MRPS18C: variants seen among roughly 807,000 people sequenced by gnomAD.
MRPS18C encodes the protein mitochondrial ribosomal protein S18C.
MRPS18C carries 21 observed loss-of-function variants against 21.0 expected under a neutral mutation model. The ratio of observed to expected loss-of-function variants is 1.00; its 90% CI spans 0.71 to 1.44. The LOEUF (loss-of-function observed/expected upper bound fraction) is 1.44. Among genes scored for constraint, MRPS18C ranks in the 40% most tolerant of loss-of-function variants. MRPS18C has a pLI of 0.00. For missense variants in MRPS18C, 152 were observed against 171.5 expected (o/e 0.89, Z 0.64); for synonymous variants, 65 against 54.3 (o/e 1.20, Z -0.87).
At position 83,456,946 on chromosome 4, in the gene MRPS18C, C is replaced by G. The variant is rs781782704; in HGVS notation, c.138C>G (p.Ser46Arg). ...GAGGTTGTTCACAACAGGTATCCAG[C>G]AATGAGGACCTGGTAAGAATTTTTT... is the stretch of plus-strand genomic sequence containing the variant. ...WRRGCSQQVSSNEDLPISMEN... is the reference protein window; with the variant it reads ...WRRGCSQQVSRNEDLPISMEN... Residue 46 changes from serine (S) to arginine (R), a missense_variant, in exon 2 of 6, where the codon AGC (serine) becomes AGG (arginine). Ser to Arg is a moderately radical substitution (Grantham distance 110, BLOSUM62 -1). Transcript: ENST00000295491. 9.9e-6 allele frequency: 16 copies of G among 1,611,846 alleles called. No individual in the cohort carries two copies. The Admixed American group carries it at 2.7e-4, about 27-fold the overall frequency.
At chr4:83,457,700 AT>A (rs1721912578) in intron 2 of MRPS18C, 1 of 152,388 alleles carries the variant, frequency 6.6e-6, no homozygotes, top group Non-Finnish European at 1.5e-5. Flanking sequence ...ACACAGTCCC[AT>A]TCATTTGAAG....
rs780153429 is a variant in MRPS18C at position 83,458,356 on chromosome 4, T to G, written c.161T>G (p.Met54Arg). 1.3e-6 allele frequency: 2 copies of G among 1,597,576 alleles called. No individual in the cohort carries two copies. The highest frequency in any genetic ancestry group is 1.7e-6 in the Non-Finnish European group (2 of 1,167,454). Residue 54 changes from methionine to arginine, a missense_variant, in exon 3 of 6, where the codon ATG (methionine) becomes AGG (arginine). Transcript: ENST00000295491. ...VSSNEDLPISMENPYKEPLKK... is the reference protein window; with the variant it reads ...VSSNEDLPISRENPYKEPLKK... ...CGTTTTTTTCCCTAGCCCATTTCAATGGAAAATCCTTATAAAGAACCTCTT... is the reference window on the plus strand; with the variant it reads ...CGTTTTTTTCCCTAGCCCATTTCAAGGGAAAATCCTTATAAAGAACCTCTT...
At chr4:83,458,656 C>G (rs182209576) in intron 3 of MRPS18C, 3 of 395,720 alleles carry the variant, frequency 7.6e-6, no homozygotes, top group African/African-American at 2.2e-5. Flanking sequence ...GTTTTTTTCA[C>G]TACCCCAAAC....
At chr4:83,458,473 T>G (rs543823539) in intron 3 of MRPS18C, 44 bp downstream of exon 3, 11 of 1,417,744 alleles carry the variant, frequency 7.8e-6, no homozygotes, top group Middle Eastern at 3.5e-4. Context: ...GTTTTGCTTC[T>G]GATAGATCTG....
At chr4:83,459,654 A>T (rs1034743668) in intron 3 of MRPS18C, 86 bp from the exon 4 acceptor site, 1 of 1,176,398 alleles carries the variant, frequency 8.5e-7, no homozygotes, top group Non-Finnish European at 1.2e-6. Context: ...GCTTTATATA[A>T]CCTGAAGGTT....
intron 4 of MRPS18C, chr4:83,460,750 A>C (rs765919213): frequency 2.0e-5 from 9 of 458,236 alleles, no homozygotes; most frequent in Non-Finnish European, 3.6e-5. Context: ...CTACAAATAC[A>C]AAAAAATTAT....
intron 3 of MRPS18C, 43 bp from the exon 4 acceptor site, chr4:83,459,696 TA>T: frequency 6.5e-7 from 1 of 1,544,134 alleles, no homozygotes. Context: ...CAGAAATAAA[TA>T]ACAGATACTT....
At chr4:83,457,095 C>G in intron 2 of MRPS18C, 137 bp downstream of exon 2, 1 of 652,890 alleles carries the variant, frequency 1.5e-6, no homozygotes, top group South Asian at 2.2e-5. Context: ...TAGGACAAAA[C>G]AATTTGATAA....
chr4:83,460,315 G>A (rs950075939), intron 4 of MRPS18C: 3 of 152,024 alleles, frequency 2.0e-5, no homozygotes, highest in South Asian at 4.1e-4. Context: ...GCACCACCAC[G>A]CCTGGCTAAT....
rs1326362055 is a variant in MRPS18C at position 83,461,446 on chromosome 4, T to C, written c.*249T>C. ...TTATATCTGATCCCCAAATAGCTCA[T>C]ACAATAATCCATTCAATAGAATGGA... is the stretch of plus-strand genomic sequence containing the variant. On this transcript the variant is annotated 3_prime_UTR_variant, in exon 6 of 6. Transcript: ENST00000295491. 6.6e-6 allele frequency: 3 copies of C among 451,952 alleles called. No individual in the cohort carries two copies. The highest frequency in any genetic ancestry group is 1.9e-5 in the African/African-American group (1 of 51,652). The allele number at this position is 451,952 out of a possible 1,614,324, so 28.0% of individuals were successfully genotyped here.
chr4:83,459,829 G>A (rs181746258), intron 4 of MRPS18C, 32 bp downstream of exon 4: 1 of 1,504,820 alleles, frequency 6.6e-7, no homozygotes, highest in Non-Finnish European at 9.1e-7. Flanking sequence ...GAATATAAAT[G>A]TAGATACGAA....
chr4:83,460,775 G>A, intron 4 of MRPS18C, 198 bp from the exon 5 acceptor site: 3 of 536,366 alleles, frequency 5.6e-6, no homozygotes, highest in Non-Finnish European at 1.0e-5. Flanking sequence ...GTGTGGCGGT[G>A]CATGCCTGTA....
At chr4:83,456,344 A>G (rs2279658) in intron 1 of MRPS18C, among the ~76,000 whole-genome samples, 167 bp downstream of exon 1, 53,863 of 151,974 alleles carry the variant, frequency 0.35, 11,259 homozygotes, top group East Asian at 0.67. Flanking sequence ...AGTGTCGTCT[A>G]ATCCACTCCT....
rs547512157 is a variant in MRPS18C at position 83,459,858 on chromosome 4, A to G, written c.292+61A>G. On this transcript the variant is annotated intron_variant, in intron 4 of 5. Transcript: ENST00000295491. ...ATACGAATTATATCAATCTATTTCT[A>G]TCATTTAAGAAAACTCAAATTTTCA... 8 of 1,411,374 alleles carry G rather than the reference A, an allele frequency of 5.7e-6. No individual in the cohort carries two copies. In the Admixed American group the frequency reaches 8.6e-5, roughly 15 times the overall value. 87.4% of individuals were successfully genotyped at this position (1,411,374 alleles called of 1,614,324 possible).
chr4:83,457,309 T>A (rs1489157750), intron 2 of MRPS18C: 1 of 192,236 alleles, frequency 5.2e-6, no homozygotes, highest in African/African-American at 2.4e-5. Flanking sequence ...ATGGGAATTT[T>A]AAAAGGTAGT....
Position 83,461,890 on chromosome 4 carries a change from A to AT in MRPS18C, c.*697dup, listed in dbSNP as rs1378157937. 8.7e-6 allele frequency: 2 copies of AT among 229,058 alleles called. No individual in the cohort carries two copies. Among genetic ancestry groups the AT allele is most frequent in the Non-Finnish European group, 1.7e-5 (2 of 115,722 alleles). 14.2% of individuals were successfully genotyped at this position (229,058 alleles called of 1,614,324 possible). Reference sequence around the variant, plus strand: ...AAGTACAAATGTAGGACAAATTTAAATTTTAGATGATGTTTTGCAAATTTA... The same window carrying AT: ...AAGTACAAATGTAGGACAAATTTAAATTTTTAGATGATGTTTTGCAAATTTA... On this transcript the variant is annotated 3_prime_UTR_variant, in exon 6 of 6. Coordinates refer to ENST00000295491, the MANE Select transcript of MRPS18C (RefSeq NM_016067.4).
intron 3 of MRPS18C, chr4:83,459,177 T>C (rs1036761488): frequency 2.1e-5 from 3 of 140,762 alleles, no homozygotes; most frequent in Non-Finnish European, 4.6e-5. Flanking sequence ...AAGAATTCCA[T>C]ATATTGACAA....
intron 4 of MRPS18C, 178 bp from the exon 5 acceptor site, chr4:83,460,795 A>C: frequency 1.7e-6 from 1 of 574,926 alleles, no homozygotes; most frequent in Non-Finnish European, 3.1e-6. Flanking sequence ...AATTCCAGTT[A>C]CTAAGGAGGC....
chr4:83,456,085 C>T lies in MRPS18C; in HGVS notation c.8C>T (p.Ala3Val), dbSNP rs754056902. Residue 3 changes from alanine (A) to valine (V), a missense_variant, in exon 1 of 6, where the codon GCT (alanine) becomes GTT (valine). Transcript: ENST00000295491. MAAVVAVCGGLGR... is the reference protein window; with the variant it reads MAVVVAVCGGLGR... ...TGGAAGAAACGCGGAACCATGGCCG[C>T]TGTGGTTGCTGTTTGCGGTGGTCTA... is the stretch of plus-strand genomic sequence containing the variant. 1 of 1,612,532 alleles carries T rather than the reference C, an allele frequency of 6.2e-7. No homozygotes were observed. Among genetic ancestry groups the T allele is most frequent in the Non-Finnish European group, 8.5e-7 (1 of 1,180,016 alleles).
Sources: gnomAD v4.1 joint callset for allele counts (sites outside exome capture counted in the v4.1 genomes callset) on GRCh38, gnomAD v4.1.1 for gene constraint, MANE v1.5 for transcripts, NCBI Gene and HGNC (gene_info 2026-07-23, HGNC 2026-07-21) for gene names.